The following ASPM variants were observed in gnomAD, a reference collection of about 807,000 sequenced individuals.
The protein encoded by ASPM is assembly factor for spindle microtubules.
A neutral mutation model predicts 366.4 loss-of-function variants in ASPM; 256 were observed. The ratio of observed to expected loss-of-function variants is 0.70; its 90% CI spans 0.63 to 0.77. The LOEUF (loss-of-function observed/expected upper bound fraction) is 0.77. Among genes scored for constraint, ASPM ranks in the 30% least tolerant of loss-of-function variants. The pLI, the probability that ASPM is intolerant of heterozygous loss-of-function variation, is 0.00. For synonymous variants in ASPM, 1,414 were observed against 1,342.9 expected (o/e 1.05, Z -1.16); for missense variants, 4,146 against 4,090.4 (o/e 1.01, Z -0.37).
rs375960359 is a variant in ASPM at position 197,104,464 on chromosome 1, T to C, written c.4787A>G (p.His1596Arg). The C allele has an allele frequency of 2.0e-5, 32 of 1,612,824 alleles. No homozygotes were observed. The highest frequency in any genetic ancestry group is 2.6e-5 in the Non-Finnish European group (31 of 1,179,414). ...IIKFQAHVRK[H>R]QQRQKYKKMK... Reference sequence around the variant, plus strand: ...CTTCTTATATTTCTGTCGTTGTTGATGTTTTCTTACATGTGCCTGAAATTT... The same window carrying C: ...CTTCTTATATTTCTGTCGTTGTTGACGTTTTCTTACATGTGCCTGAAATTT... The change falls in exon 18 of 28, where the codon CAT becomes CGT. Residue 1596 changes from histidine to arginine, a missense_variant. Around this residue, in one of 3 missense-constraint regions of ASPM, gnomAD observed 3,624 missense variants for 3,591.7 expected, o/e 1.01. Coordinates refer to ENST00000367409, the MANE Select transcript of ASPM (RefSeq NM_018136.5).
In ASPM at chr1:197,122,144, T is replaced by C. The variant is rs562910568; in HGVS notation, c.3741+15A>G. 3.1e-6 allele frequency: 5 copies of C among 1,601,416 alleles called. No homozygotes were observed. Among genetic ancestry groups the C allele is most frequent in the Non-Finnish European group, 4.3e-6 (5 of 1,169,210 alleles). ...TATTATTGAATTAATAATTAGAAACTCTTCTTTTACTTACCTTTTCATCTG... is the reference window on the plus strand; with the variant it reads ...TATTATTGAATTAATAATTAGAAACCCTTCTTTTACTTACCTTTTCATCTG... On this transcript the variant is annotated intron_variant, in intron 15 of 27. Transcript: ENST00000367409.
Position 197,087,730 on chromosome 1 carries a change from T to G in ASPM, c.10161+526A>C, listed in dbSNP as rs183620702. Reference sequence around the variant, plus strand: ...TTGATGGTCTCACTATATCCACACATGCTCTCCCAAATTCATTCTTCAATC... The same window carrying G: ...TTGATGGTCTCACTATATCCACACAGGCTCTCCCAAATTCATTCTTCAATC... On this transcript the variant is annotated intron_variant, in intron 26 of 27. Coordinates refer to ENST00000367409, the MANE Select transcript of ASPM (RefSeq NM_018136.5). Among the ~76,000 whole-genome samples the G allele has an allele frequency of 5.9e-3, 898 of 152,290 alleles. 11 individuals are homozygous for G. The highest frequency in any genetic ancestry group is 0.021 in the African/African-American group (862 of 41,566).
Position 197,103,879 on chromosome 1 carries a change from T to C in ASPM, c.5372A>G (p.Gln1791Arg). The C allele has an allele frequency of 1.2e-6, 2 of 1,612,906 alleles. No individual in the cohort carries two copies. Among genetic ancestry groups the C allele is most frequent in the South Asian group, 1.1e-5 (1 of 91,076 alleles). ...CAAGAAGTTCTTCCTCTGATTGACCTGTGCTTTGTATGCATGATAGTAATT... is the reference window on the plus strand; with the variant it reads ...CAAGAAGTTCTTCCTCTGATTGACCCGTGCTTTGTATGCATGATAGTAATT... Reference protein sequence around the residue: ...IQNYYHAYKAQVNQRKNFLQV... With the variant: ...IQNYYHAYKARVNQRKNFLQV... Residue 1791 changes from glutamine to arginine, a missense_variant, in exon 18 of 28, where the codon CAG (glutamine) becomes CGG (arginine). This residue lies in a region of ASPM where 3,624 missense variants were observed against 3,591.7 expected (regional missense o/e 1.01). Coordinates refer to ENST00000367409, the MANE Select transcript of ASPM (RefSeq NM_018136.5).
intron 17 of ASPM, among the ~76,000 whole-genome samples, chr1:197,108,621 C>T (rs1460688110): frequency 1.3e-5 from 2 of 151,922 alleles, no homozygotes; most frequent in Non-Finnish European, 1.5e-5. Flanking sequence ...ACCAATTCTT[C>T]GAAAATTAGA....
chr1:197,100,088 A>C (rs1005144257), intron 18 of ASPM, among the ~76,000 whole-genome samples: 10 of 151,734 alleles, frequency 6.6e-5, no homozygotes, highest in Admixed American at 6.6e-4. Flanking sequence ...ATTATGCCAA[A>C]TAATACTTTA....
rs770908469 is a variant in ASPM at position 197,093,238 on chromosome 1, G to A, written c.9108C>T (p.Ile3036=). Residue 3036 remains isoleucine, a synonymous_variant, in exon 21 of 28, where the codon ATC becomes ATT. Transcript: ENST00000367409. ...MIKRHRAACL[I]QAHYRGYKGR... ...CTTTATATCCTCTATAATGTGCTTGGATCAAACAAGCAGCTCGATGTCTCT... is the reference window on the plus strand; with the variant it reads ...CTTTATATCCTCTATAATGTGCTTGAATCAAACAAGCAGCTCGATGTCTCT... 3.1e-6 allele frequency: 5 copies of A among 1,611,898 alleles called. No homozygotes were observed. Among genetic ancestry groups the A allele is most frequent in the Non-Finnish European group, 4.2e-6 (5 of 1,178,730 alleles).
Position 197,084,441 on chromosome 1 carries a change from A to C in ASPM, c.10332-15T>G. The C allele has an allele frequency of 3.8e-6, 6 of 1,583,738 alleles. No individual in the cohort carries two copies. The highest frequency in any genetic ancestry group is 5.2e-6 in the Non-Finnish European group (6 of 1,156,458). ...CTGGCTTAAGTCTGTTAAAAAAAAA[A>C]AAAAAGTCTGGCATTAATAAAGTTC... On this transcript the variant is annotated splice_polypyrimidine_tract_variant and intron_variant, in intron 27 of 27. Coordinates refer to ENST00000367409, the MANE Select transcript of ASPM (RefSeq NM_018136.5).
At position 197,092,004 on chromosome 1, in the gene ASPM, T is replaced by C; in HGVS notation, c.9347A>G (p.Tyr3116Cys). 6.2e-7 allele frequency: 1 copy of C among 1,612,170 alleles called. No individual in the cohort carries two copies. Among genetic ancestry groups the C allele is most frequent in the African/African-American group, 1.3e-5 (1 of 74,904 alleles). Residue 3116 changes from tyrosine (Y) to cysteine (C), a missense_variant, in exon 22 of 28, where the codon TAT becomes TGT. Coordinates refer to ENST00000367409, the MANE Select transcript of ASPM (RefSeq NM_018136.5). ...IRLLHFTAAA[Y>C]YHLNAVRIQR... The stretch of plus-strand genomic sequence containing the variant: ...AATTCTAACAGCATTCAGGTGATAA[T>C]ATGCAGCTGCAGTGAAGTGAAGAAG...
At position 197,097,590 on chromosome 1, in the gene ASPM, C is replaced by A. The variant is rs1196131235; in HGVS notation, c.8821-1426G>T. ...TATGGCCAAAATTACTCTGAGATGA[C>A]CTTAACTCATTCAGACTATATTGTA... On this transcript the variant is annotated intron_variant, in intron 18 of 27. Coordinates refer to ENST00000367409, the MANE Select transcript of ASPM (RefSeq NM_018136.5). Among the ~76,000 whole-genome samples the A allele has an allele frequency of 2.0e-5, 3 of 151,658 alleles. No individual in the cohort carries two copies. In the Admixed American group the frequency reaches 2.0e-4, roughly 10 times the overall value.
At position 197,090,808 on chromosome 1, in the gene ASPM, C is replaced by G. The variant is rs779988401; in HGVS notation, c.9636+42G>C. 3.8e-6 allele frequency: 6 copies of G among 1,565,374 alleles called. No individual in the cohort carries two copies. The East Asian group carries it at 1.3e-4, about 35-fold the overall frequency. On this transcript the variant is annotated intron_variant, in intron 23 of 27. Coordinates refer to ENST00000367409, the MANE Select transcript of ASPM (RefSeq NM_018136.5). Reference sequence around the variant, plus strand: ...TGTTAGATATCATGTAGATGAATTGCAAACTAAAGTTTTGAACTAAAACTA... The same window carrying G: ...TGTTAGATATCATGTAGATGAATTGGAAACTAAAGTTTTGAACTAAAACTA...
intron 22 of ASPM, among the ~76,000 whole-genome samples, chr1:197,091,483 A>T (rs1571589551): frequency 6.6e-6 from 1 of 151,986 alleles, no homozygotes; most frequent in East Asian, 1.9e-4. Flanking sequence ...AAAAGATGTT[A>T]AAAAAAAGTA....
intron 21 of ASPM, among the ~76,000 whole-genome samples, chr1:197,092,355 T>G (rs188552213): frequency 1.8e-4 from 28 of 151,780 alleles, no homozygotes; most frequent in Non-Finnish European, 1.5e-5. Flanking sequence ...GGTATAAATA[T>G]TAAACTCAAA....
chr1:197,096,837 G>C (rs147562035), intron 18 of ASPM, among the ~76,000 whole-genome samples: 125 of 151,842 alleles, frequency 8.2e-4, no homozygotes, highest in Non-Finnish European at 1.3e-3. Flanking sequence ...ATAAGTGGCA[G>C]AGTTGTCTTA....
intron 6 of ASPM, 29 bp downstream of exon 6, chr1:197,133,321 T>A (rs1437947520): frequency 6.3e-7 from 1 of 1,591,018 alleles, no homozygotes; most frequent in East Asian, 2.2e-5. Flanking sequence ...TTTAAAGAAT[T>A]AATGTCAAGA....
At chr1:197,120,192 G>C (rs940168860) in intron 16 of ASPM, among the ~76,000 whole-genome samples, 11 of 151,952 alleles carry the variant, frequency 7.2e-5, no homozygotes, top group South Asian at 2.1e-4. Context: ...AATAAATCAA[G>C]AAAAGGGATC....
rs762652552 is a variant in ASPM at position 197,143,802 on chromosome 1, A to G, written c.450T>C (p.Leu150=). The G allele has an allele frequency of 7.4e-6, 12 of 1,612,312 alleles. No homozygotes were observed. In the African/African-American group the frequency reaches 1.3e-4, roughly 18 times the overall value. Residue 150 remains leucine (L), a synonymous_variant, in exon 3 of 28, where the codon CTT becomes CTC. Transcript: ENST00000367409. ...AEEQKKKKRS[L]WDTIKKKKIS... is the part of the protein sequence containing the mutation. ...TTTTCTTCTTTTTAATGGTATCCCA[A>G]AGACTCCTCTGCAAAAATAAGGAAA...
chr1:197,143,228 T>C lies in ASPM; in HGVS notation c.1024A>G (p.Met342Val). ...LELVTCLSSD[M>V]FMKDNSQPVH... Reference sequence around the variant, plus strand: ...GGCTGTGAATTATCTTTCATAAACATATCTGATGAAAGACATGTTACTAAT... The same window carrying C: ...GGCTGTGAATTATCTTTCATAAACACATCTGATGAAAGACATGTTACTAAT... The change falls in exon 3 of 28, where the codon ATG becomes GTG. Residue 342 changes from methionine (M) to valine (V), a missense_variant. Physicochemically the swap from Met to Val is conservative, Grantham distance 21. This residue lies in a region of ASPM where 512 missense variants were observed against 471.7 expected (regional missense o/e 1.09). Transcript: ENST00000367409. 1 of 1,612,870 alleles carries C rather than the reference T, an allele frequency of 6.2e-7. No individual in the cohort carries two copies. The highest frequency in any genetic ancestry group is 8.5e-7 in the Non-Finnish European group (1 of 1,179,040).
At position 197,088,287 on chromosome 1, in the gene ASPM, G is replaced by T; in HGVS notation, c.10130C>A (p.Ala3377Asp). Residue 3377 changes from alanine to aspartate, a missense_variant, in exon 26 of 28, where the codon GCT (alanine) becomes GAT (aspartate). Physicochemically the swap from Ala to Asp is moderately radical, Grantham distance 126. Around this residue, in one of 3 missense-constraint regions of ASPM, gnomAD observed 3,624 missense variants for 3,591.7 expected, o/e 1.01. Transcript: ENST00000367409. ...SIFTKTCCLL[A>D]ILLKTTNRAS... ...TCTATTTGTTGTCTTCAGTAAAATA[G>T]CCAACAAACAACAAGTTTTTGTAAA... is the stretch of plus-strand genomic sequence containing the variant. The T allele has an allele frequency of 1.2e-6, 2 of 1,613,186 alleles. No homozygotes were observed. Among genetic ancestry groups the T allele is most frequent in the Non-Finnish European group, 1.7e-6 (2 of 1,179,658 alleles).
rs192702996 is a variant in ASPM at position 197,144,168 on chromosome 1, C to T, written c.298-68G>A. ...CATAATAACCAAAACACCTTATATACAACTTACAATATAGTAGGGCTTAAT... is the reference window on the plus strand; with the variant it reads ...CATAATAACCAAAACACCTTATATATAACTTACAATATAGTAGGGCTTAAT... On this transcript the variant is annotated intron_variant, in intron 1 of 27. Transcript: ENST00000367409. 4,839 of 1,120,224 alleles carry T rather than the reference C, an allele frequency of 4.3e-3. 11 individuals are homozygous for T. The highest frequency in any genetic ancestry group is 5.3e-3 in the Non-Finnish European group (3,969 of 743,324). 69.4% of individuals were successfully genotyped at this position (1,120,224 alleles called of 1,614,324 possible). A position where few individuals can be genotyped will look rare whatever the true frequency, so the allele number is the denominator to read the frequency against.
Sources: gnomAD v4.1 joint callset for allele counts (sites outside exome capture counted in the v4.1 genomes callset) on GRCh38, gnomAD v4.1.1 for gene constraint, gnomAD v4.1.1 regional missense constraint, MANE v1.5 for transcripts, NCBI Gene and HGNC (gene_info 2026-07-23, HGNC 2026-07-21) for gene names.